BRINP3: variants seen among roughly 807,000 people sequenced by gnomAD.
BRINP3 encodes the protein BMP/retinoic acid inducible neural specific 3, also known as BMP/retinoic acid-inducible neural-specific protein 3.
A neutral mutation model predicts 71.0 loss-of-function variants in BRINP3; 19 were observed. That is an observed-to-expected ratio of 0.27 (90% confidence interval 0.19 to 0.39). BRINP3 has a LOEUF of 0.39. Among genes scored for constraint, BRINP3 ranks in the 10% least tolerant of loss-of-function variants. The pLI, the probability that BRINP3 is intolerant of heterozygous loss-of-function variation, is 1.00. For missense variants in BRINP3, 959 were observed against 940.8 expected (o/e 1.02, Z -0.25); for synonymous variants, 380 against 337.7 (o/e 1.13, Z -1.37).
chr1:190,390,079 A>G lies in BRINP3; in HGVS notation c.236+64576T>C, dbSNP rs546484507. ...TCTTTGATAGAGACAGAGGACAACT[A>G]CTAGAGCAGTAACTCTCAGAAGGTG... On this transcript the variant is annotated intron_variant, in intron 2 of 7. Transcript: ENST00000367462. Among the ~76,000 whole-genome samples the G allele has an allele frequency of 4.0e-5, 6 of 151,874 alleles. No individual in the cohort carries two copies. In the South Asian group the frequency reaches 1.2e-3, roughly 32 times the overall value.
At chr1:190,469,493 C>T (rs569599607) in intron 1 of BRINP3, among the ~76,000 whole-genome samples, 1 of 150,994 alleles carries the variant, frequency 6.6e-6, no homozygotes, top group African/African-American at 2.4e-5. Context: ...AACTTTGCTG[C>T]ATAATTTATT....
At position 190,189,159 on chromosome 1, in the gene BRINP3, A is replaced by C. The variant is rs534345219; in HGVS notation, c.962-28269T>G. 5.9e-5 allele frequency among the ~76,000 whole-genome samples: 9 copies of C among 152,162 alleles called. No homozygotes were observed. The East Asian group carries it at 1.7e-3, about 29-fold the overall frequency. The stretch of plus-strand genomic sequence containing the variant: ...CTATAAGGATGATGCTGGCCTTGTT[A>C]AGTGTGATTGGAATTATTCTCTATT... On this transcript the variant is annotated intron_variant, in intron 6 of 7. Coordinates refer to ENST00000367462, the MANE Select transcript of BRINP3 (RefSeq NM_199051.3).
At chr1:190,378,315 A>G (rs1372885932) in intron 2 of BRINP3, among the ~76,000 whole-genome samples, 1 of 152,170 alleles carries the variant, frequency 6.6e-6, no homozygotes, top group Non-Finnish European at 1.5e-5. Context: ...TTTCTTTTAC[A>G]TTGCTCTGTT....
At position 190,281,548 on chromosome 1, in the gene BRINP3, A is replaced by C. The variant is rs373360122; in HGVS notation, c.427+12T>G. On this transcript the variant is annotated intron_variant, in intron 3 of 7. Transcript: ENST00000367462. ...AGCACACACAGGCACAAATAGGTTC[A>C]AAGAGCCGTACCTCCCAGAGTAGCA... The C allele has an allele frequency of 5.8e-5, 93 of 1,610,256 alleles. No individual in the cohort carries two copies. In the African/African-American group the frequency reaches 1.1e-3, roughly 19 times the overall value.
chr1:190,421,837 AATC>A (rs1160746229), intron 2 of BRINP3, among the ~76,000 whole-genome samples: 1 of 151,850 alleles, frequency 6.6e-6, no homozygotes, highest in African/African-American at 2.4e-5. Context: ...CATAATGTTA[AATC>A]ATCAGACTTC....
intron 1 of BRINP3, chr1:190,474,467 T>C (rs1677365453): frequency 6.5e-6 from 1 of 152,728 alleles, no homozygotes; most frequent in East Asian, 1.9e-4. Flanking sequence ...GTCCCCAAAA[T>C]CTGAATCATC....
At chr1:190,326,238 A>C (rs969313652) in intron 2 of BRINP3, among the ~76,000 whole-genome samples, 3 of 152,150 alleles carry the variant, frequency 2.0e-5, no homozygotes, top group African/African-American at 7.2e-5. Context: ...AAAATAAAGA[A>C]AACAGAATTT....
chr1:190,440,854 A>C (rs1325914702), intron 2 of BRINP3, among the ~76,000 whole-genome samples: 1 of 152,000 alleles, frequency 6.6e-6, no homozygotes, highest in Non-Finnish European at 1.5e-5. Flanking sequence ...GTCACAACCT[A>C]AGTAAACATT....
intron 6 of BRINP3, among the ~76,000 whole-genome samples, chr1:190,178,031 G>A (rs1442129512): frequency 1.3e-5 from 2 of 152,076 alleles, no homozygotes; most frequent in Non-Finnish European, 2.9e-5. Context: ...ATTTGTGTCA[G>A]ATATATGCAA....
At chr1:190,475,137 C>G (rs1411867837) in intron 1 of BRINP3, among the ~76,000 whole-genome samples, 1 of 152,102 alleles carries the variant, frequency 6.6e-6, no homozygotes. Flanking sequence ...AAGGAGTGAC[C>G]GTCAGCAATA....
At chr1:190,156,205 T>C (rs532489085) in intron 7 of BRINP3, among the ~76,000 whole-genome samples, 1 of 152,186 alleles carries the variant, frequency 6.6e-6, no homozygotes, top group South Asian at 2.1e-4. Flanking sequence ...CTATACAGAG[T>C]AACTTTAATC....
In BRINP3 at chr1:190,307,732, G is replaced by A. The variant is rs1571702085; in HGVS notation, c.237-25982C>T. 2.6e-5 allele frequency among the ~76,000 whole-genome samples: 4 copies of A among 151,902 alleles called. No individual in the cohort carries two copies. In the Admixed American group the frequency reaches 2.6e-4, roughly 10 times the overall value. ...AAAAAAAGAGCTTCCATATTAAGAAGTAACTTTCTTTTTTTCATTTTCCTT... is the reference window on the plus strand; with the variant it reads ...AAAAAAAGAGCTTCCATATTAAGAAATAACTTTCTTTTTTTCATTTTCCTT... On this transcript the variant is annotated intron_variant, in intron 2 of 7. Transcript: ENST00000367462.
intron 2 of BRINP3, among the ~76,000 whole-genome samples, chr1:190,343,727 A>T (rs1667821362): frequency 6.6e-6 from 1 of 151,620 alleles, no homozygotes; most frequent in Non-Finnish European, 1.5e-5. Context: ...CCAATCAATA[A>T]ACCGACTCTG....
chr1:190,314,029 A>C lies in BRINP3; in HGVS notation c.237-32279T>G, dbSNP rs571090650. Among the ~76,000 whole-genome samples the C allele has an allele frequency of 1.2e-4, 19 of 152,176 alleles. No homozygotes were observed. The South Asian group carries it at 3.9e-3, about 32-fold the overall frequency. ...ATGTGAGGAGTCACCCAGCACACTT[A>C]AGGGCTTTGTATTTTTTCGCAAAAT... On this transcript the variant is annotated intron_variant, in intron 2 of 7. Transcript: ENST00000367462.
chr1:190,269,403 TA>T (rs1195486660), intron 3 of BRINP3, among the ~76,000 whole-genome samples: 14 of 152,140 alleles, frequency 9.2e-5, no homozygotes, highest in African/African-American at 3.4e-4. Context: ...AGTAAGGACA[TA>T]AAACATTCAT....
In BRINP3 at chr1:190,176,982, G is replaced by A. The variant is rs1571915542; in HGVS notation, c.962-16092C>T. On this transcript the variant is annotated intron_variant, in intron 6 of 7. Transcript: ENST00000367462. Reference sequence around the variant, plus strand: ...GCTTTGCTTCTTAACCTCTTTCTATGGAGCTAAAATTGCATGGGGCAAATG... The same window carrying A: ...GCTTTGCTTCTTAACCTCTTTCTATAGAGCTAAAATTGCATGGGGCAAATG... 4.6e-5 allele frequency among the ~76,000 whole-genome samples: 7 copies of A among 152,108 alleles called. 1 individual carries two copies. The South Asian group carries it at 1.5e-3, about 32-fold the overall frequency.
intron 2 of BRINP3, among the ~76,000 whole-genome samples, chr1:190,408,207 T>A (rs55888379): frequency 5.3e-3 from 154 of 28,966 alleles, no homozygotes; most frequent in African/African-American, 9.2e-3. Flanking sequence ...TTATTTATTT[T>A]TTTTTTTTTT....
intron 7 of BRINP3, among the ~76,000 whole-genome samples, chr1:190,120,775 T>C (rs1275532562): frequency 2.0e-5 from 3 of 152,056 alleles, no homozygotes; most frequent in Non-Finnish European, 4.4e-5. Flanking sequence ...GTGCTGGTAT[T>C]ACAAGTGTGA....
At chr1:190,291,152 A>G (rs866807468) in intron 2 of BRINP3, among the ~76,000 whole-genome samples, 3 of 152,110 alleles carry the variant, frequency 2.0e-5, no homozygotes, top group Non-Finnish European at 2.9e-5. Flanking sequence ...AAACCTCTAC[A>G]TGGTAGAAGG....
Sources: allele counts gnomAD v4.1 joint callset (sites outside exome capture counted in the v4.1 genomes callset), GRCh38; gene constraint gnomAD v4.1.1; transcripts MANE v1.5; gene names NCBI Gene and HGNC (gene_info 2026-07-23, HGNC 2026-07-21).